SORCS3: variants seen among roughly 807,000 people sequenced by gnomAD.
SORCS3 encodes sortilin related VPS10 domain containing receptor 3.
In SORCS3, 57 loss-of-function variants were observed where a neutral mutation model predicts 146.3. That is an observed-to-expected ratio of 0.39 (90% CI 0.31 to 0.49). The LOEUF is 0.49. Among genes scored for constraint, SORCS3 ranks in the 20% least tolerant of loss-of-function variants. SORCS3 has a pLI of 0.92. For missense variants in SORCS3, 1,341 were observed against 1,575.5 expected (o/e 0.85, Z 2.52); for synonymous variants, 653 against 618.5 (o/e 1.06, Z -0.83).
intron 1 of SORCS3, among the ~76,000 whole-genome samples, chr10:104,752,762 T>C (rs2133470062): frequency 6.6e-6 from 1 of 152,336 alleles, no homozygotes; most frequent in East Asian, 1.9e-4. Flanking sequence ...TAGAGCAGTC[T>C]GAGGAGGTAT....
At chr10:105,074,966 G>A (rs537106759) in intron 5 of SORCS3, among the ~76,000 whole-genome samples, 2 of 152,298 alleles carry the variant, frequency 1.3e-5, no homozygotes, top group Admixed American at 6.5e-5. Context: ...GCCCAAGGCA[G>A]CACATTTTTC....
At chr10:104,742,095 T>C (rs2133461374) in intron 1 of SORCS3, among the ~76,000 whole-genome samples, 1 of 152,130 alleles carries the variant, frequency 6.6e-6, no homozygotes, top group Middle Eastern at 3.4e-3. Flanking sequence ...TCTTATATCA[T>C]GATAGTGGTG....
At position 105,105,066 on chromosome 10, in the gene SORCS3, G is replaced by A. The variant is rs1464420151; in HGVS notation, c.1094-331G>A. ...AATTCTCTAATTAGAAAATTAGAGA[G>A]AACAGATTCTCCTTGAATTAGAATT... is the stretch of plus-strand genomic sequence containing the variant. On this transcript the variant is annotated intron_variant, in intron 6 of 26. Transcript: ENST00000369701. Among the ~76,000 whole-genome samples, 3 of 152,230 alleles carry A rather than the reference G, an allele frequency of 2.0e-5. 1 individual carries two copies. The highest frequency in any genetic ancestry group is 2.1e-4 in the South Asian group (1 of 4,824).
chr10:104,910,155 A>G (rs920189648), intron 2 of SORCS3, among the ~76,000 whole-genome samples: 2 of 152,216 alleles, frequency 1.3e-5, no homozygotes, highest in African/African-American at 4.8e-5. Flanking sequence ...AGTCAGCATC[A>G]GGTACCTGGA....
In SORCS3 at chr10:104,757,425, C is replaced by G. The variant is rs530588527; in HGVS notation, c.628-85367C>G. Among the ~76,000 whole-genome samples the G allele has an allele frequency of 1.4e-4, 22 of 152,306 alleles. No individual in the cohort carries two copies. The South Asian group carries it at 3.9e-3, about 27-fold the overall frequency. On this transcript the variant is annotated intron_variant, in intron 1 of 26. Transcript: ENST00000369701. ...ATTTGCAAAGCTCTCCAATGCAAGG[C>G]AAGGGATACTTGTCCTTCAGACACT...
intron 1 of SORCS3, among the ~76,000 whole-genome samples, chr10:104,813,622 G>T (rs2017763616): frequency 6.6e-6 from 1 of 152,138 alleles, no homozygotes; most frequent in Admixed American, 6.6e-5. Context: ...ACAGCGTTGG[G>T]TCTAATGGCC....
At chr10:105,181,103 T>A (rs1316400217) in intron 14 of SORCS3, among the ~76,000 whole-genome samples, 1 of 152,198 alleles carries the variant, frequency 6.6e-6, no homozygotes, top group Non-Finnish European at 1.5e-5. Context: ...ATCTTGTTCT[T>A]TCAGTGCCAT....
chr10:105,026,657 G>T (rs2055233834), intron 4 of SORCS3, among the ~76,000 whole-genome samples: 1 of 152,168 alleles, frequency 6.6e-6, no homozygotes, highest in Non-Finnish European at 1.5e-5. Context: ...TAAAAAAGAA[G>T]TTAATAATGT....
chr10:105,249,437 G>A (rs1391519548), intron 22 of SORCS3, among the ~76,000 whole-genome samples: 1 of 152,210 alleles, frequency 6.6e-6, no homozygotes, highest in Non-Finnish European at 1.5e-5. Flanking sequence ...CAAGGCAGAG[G>A]AGAAAGATCC....
chr10:105,112,445 A>T (rs1390281251), intron 7 of SORCS3, among the ~76,000 whole-genome samples: 1 of 152,170 alleles, frequency 6.6e-6, no homozygotes, highest in Non-Finnish European at 1.5e-5. Context: ...CATTCTGTTC[A>T]TTGAAATAAA....
intron 3 of SORCS3, among the ~76,000 whole-genome samples, chr10:104,943,636 T>C (rs2019341974): frequency 6.6e-6 from 1 of 152,060 alleles, no homozygotes; most frequent in East Asian, 1.9e-4. Flanking sequence ...CATCCTTATT[T>C]CCCCCCACTC....
intron 19 of SORCS3, 151 bp from the exon 20 acceptor site, chr10:105,222,965 G>T: frequency 1.4e-6 from 1 of 723,992 alleles, no homozygotes; most frequent in Non-Finnish European, 2.1e-6. Context: ...CATTTCAAGC[G>T]TGTATACACA....
In SORCS3 at chr10:105,048,432, G is replaced by A. The variant is rs188971477; in HGVS notation, c.1028+5304G>A. 4.2e-3 allele frequency among the ~76,000 whole-genome samples: 626 copies of A among 150,800 alleles called. 7 individuals carry two copies. The highest frequency in any genetic ancestry group is 0.014 in the African/African-American group (581 of 41,056). On this transcript the variant is annotated intron_variant, in intron 5 of 26. Transcript: ENST00000369701. ...CATCATTCTCAGCAAACTATCGCAAGGACAAAAAAACCAAACACCGCATGT... is the reference window on the plus strand; with the variant it reads ...CATCATTCTCAGCAAACTATCGCAAAGACAAAAAAACCAAACACCGCATGT...
intron 2 of SORCS3, among the ~76,000 whole-genome samples, chr10:104,870,176 G>A (rs2018504437): frequency 6.6e-6 from 1 of 152,176 alleles, no homozygotes; most frequent in East Asian, 1.9e-4. Context: ...TTATCATGCA[G>A]ATGAAATACA....
intron 18 of SORCS3, among the ~76,000 whole-genome samples, chr10:105,215,192 T>C (rs1359262691): frequency 6.6e-6 from 1 of 152,244 alleles, no homozygotes; most frequent in Non-Finnish European, 1.5e-5. Context: ...ATCTGGGCAG[T>C]AAAATCAGAC....
chr10:104,656,867 G>A (rs1213839272), intron 1 of SORCS3, among the ~76,000 whole-genome samples: 1 of 152,158 alleles, frequency 6.6e-6, no homozygotes, highest in East Asian at 1.9e-4. Context: ...GGGTAGATAA[G>A]AAGGAGTCCA....
chr10:104,968,249 G>A (rs2054837810), intron 3 of SORCS3, among the ~76,000 whole-genome samples: 1 of 152,104 alleles, frequency 6.6e-6, no homozygotes, highest in African/African-American at 2.4e-5. Flanking sequence ...CTGAATAGCT[G>A]GGATTACAGG....
chr10:104,687,158 C>A (rs1564658920), intron 1 of SORCS3, among the ~76,000 whole-genome samples: 1 of 152,326 alleles, frequency 6.6e-6, no homozygotes, highest in Admixed American at 6.5e-5. Flanking sequence ...TGCATCCATC[C>A]ATTCCAGCCC....
At position 104,977,378 on chromosome 10, in the gene SORCS3, T is replaced by G; in HGVS notation, c.839T>G (p.Ile280Ser). The G allele has an allele frequency of 6.2e-7, 1 of 1,613,772 alleles. No individual in the cohort carries two copies. Among genetic ancestry groups the G allele is most frequent in the Non-Finnish European group, 8.5e-7 (1 of 1,179,824 alleles). ...CCTGAGATGGAGAGCAGCATATTGA[T>G]CAGCTCAGACGAAGGGGCGACCTAT... The part of the protein sequence containing the change: ...SDPEMESSIL[I>S]SSDEGATYQK... The change falls in exon 4 of 27, where the codon ATC becomes AGC. Residue 280 changes from isoleucine to serine, a missense_variant. Ile to Ser is a moderately radical substitution (Grantham distance 142, BLOSUM62 -2). Coordinates refer to ENST00000369701, the MANE Select transcript of SORCS3 (RefSeq NM_014978.3).
Sources: allele counts gnomAD v4.1 joint callset (sites outside exome capture counted in the v4.1 genomes callset), GRCh38; gene constraint gnomAD v4.1.1; transcripts MANE v1.5; gene names NCBI Gene and HGNC (gene_info 2026-07-23, HGNC 2026-07-21).